The following CHRM3 variants were observed in gnomAD, a reference collection of about 807,000 sequenced individuals.
The protein encoded by CHRM3 is muscarinic acetylcholine receptor M3.
A neutral mutation model predicts 41.8 loss-of-function variants in CHRM3; 11 were observed. The ratio of observed to expected loss-of-function variants is 0.26; its 90% CI spans 0.17 to 0.44. The LOEUF (loss-of-function observed/expected upper bound fraction) is 0.44, where lower values mean the gene tolerates loss of function less well. Among genes scored for constraint, CHRM3 ranks in the 20% least tolerant of loss-of-function variants. The probability of loss-of-function intolerance (pLI) is 1.00; values close to 1 mark genes in which losing one functional copy is unlikely to be tolerated. For missense variants in CHRM3, 571 were observed against 745.4 expected (o/e 0.77, Z 2.72); for synonymous variants, 297 against 301.4 (o/e 0.99, Z 0.15).
chr1:239,729,321 A>G (rs1291651414), intron 5 of CHRM3, among the ~76,000 whole-genome samples: 1 of 151,818 alleles, frequency 6.6e-6, no homozygotes, highest in East Asian at 1.9e-4. Context: ...ACTGAAGCAT[A>G]ATGGTTGTGA....
chr1:239,687,404 G>A (rs977023705), intron 5 of CHRM3, among the ~76,000 whole-genome samples: 1 of 152,086 alleles, frequency 6.6e-6, no homozygotes, highest in African/African-American at 2.4e-5. Flanking sequence ...ATTTATCAGA[G>A]CATCATGGTC....
At chr1:239,635,807 T>C (rs1014915009) in intron 4 of CHRM3, among the ~76,000 whole-genome samples, 2 of 152,218 alleles carry the variant, frequency 1.3e-5, no homozygotes, top group African/African-American at 4.8e-5. Context: ...CTTATAATGA[T>C]GCCTGCCCCC....
intron 6 of CHRM3, among the ~76,000 whole-genome samples, chr1:239,832,677 A>C (rs1304713435): frequency 6.6e-6 from 1 of 152,070 alleles, no homozygotes; most frequent in Non-Finnish European, 1.5e-5. Context: ...AGTAAGAGGA[A>C]GAACACGTTC....
At chr1:239,486,385 C>T (rs1424352958) in intron 1 of CHRM3, among the ~76,000 whole-genome samples, 4 of 152,108 alleles carry the variant, frequency 2.6e-5, no homozygotes, top group Admixed American at 6.6e-5. Flanking sequence ...CGCCACAAAC[C>T]CCATCCAGTG....
chr1:239,715,650 G>A (rs1662275659), intron 5 of CHRM3, among the ~76,000 whole-genome samples: 1 of 152,114 alleles, frequency 6.6e-6, no homozygotes, highest in Non-Finnish European at 1.5e-5. Flanking sequence ...GATAAAGAGG[G>A]AGGAAGGTAG....
intron 3 of CHRM3, among the ~76,000 whole-genome samples, chr1:239,583,133 T>C (rs1663059981): frequency 6.6e-6 from 1 of 152,210 alleles, no homozygotes; most frequent in Non-Finnish European, 1.5e-5. Context: ...TAGTTTAGTA[T>C]CTGTTTTCCT....
chr1:239,805,930 T>C (rs1670604145), intron 5 of CHRM3, among the ~76,000 whole-genome samples: 1 of 152,178 alleles, frequency 6.6e-6, no homozygotes, highest in Non-Finnish European at 1.5e-5. Flanking sequence ...CCTGGCATCT[T>C]GATAGTTGCA....
chr1:239,864,663 C>T (rs1675939550), intron 6 of CHRM3, among the ~76,000 whole-genome samples: 2 of 152,058 alleles, frequency 1.3e-5, no homozygotes, highest in South Asian at 2.1e-4. Flanking sequence ...TTCATTAAAT[C>T]GGGAATAAGA....
intron 1 of CHRM3, among the ~76,000 whole-genome samples, chr1:239,469,494 GTAGT>G (rs372966108): frequency 4.7e-4 from 72 of 152,258 alleles, no homozygotes; most frequent in African/African-American, 1.6e-3. Flanking sequence ...CTTCAAGCTG[GTAGT>G]TAGTTGTGAG....
chr1:239,440,643 T>C (rs112004278), intron 1 of CHRM3, among the ~76,000 whole-genome samples: 3,294 of 152,208 alleles, frequency 0.022, 136 homozygotes, highest in African/African-American at 0.072. Flanking sequence ...GACTATAAAG[T>C]ATATTTATCA....
chr1:239,861,943 C>A (rs755371740), intron 6 of CHRM3, among the ~76,000 whole-genome samples: 6 of 152,088 alleles, frequency 3.9e-5, no homozygotes, highest in Non-Finnish European at 5.9e-5. Flanking sequence ...TTTCCCAAAG[C>A]AACCTGTCTT....
At chr1:239,437,062 T>A (rs1663328522) in intron 1 of CHRM3, among the ~76,000 whole-genome samples, 2 of 152,120 alleles carry the variant, frequency 1.3e-5, no homozygotes, top group South Asian at 4.2e-4. Flanking sequence ...TATAATCTAG[T>A]GGGTAATGAA....
chr1:239,800,112 T>A (rs1424309726), intron 5 of CHRM3, among the ~76,000 whole-genome samples: 3 of 152,156 alleles, frequency 2.0e-5, no homozygotes, highest in African/African-American at 7.2e-5. Context: ...TGTTAATAGG[T>A]CTGGAAATAG....
At chr1:239,786,344 T>C (rs1011591101) in intron 5 of CHRM3, among the ~76,000 whole-genome samples, 8 of 152,202 alleles carry the variant, frequency 5.3e-5, no homozygotes, top group Admixed American at 3.9e-4. Context: ...TACAATGTGC[T>C]GTGTGCCAGG....
At chr1:239,414,863 T>C (rs1558205847) in intron 1 of CHRM3, among the ~76,000 whole-genome samples, 1 of 152,200 alleles carries the variant, frequency 6.6e-6, no homozygotes, top group Non-Finnish European at 1.5e-5. Flanking sequence ...TTTACAAAAA[T>C]TTTTGTTTGC....
chr1:239,859,432 GTT>G (rs141776323), intron 6 of CHRM3, among the ~76,000 whole-genome samples: 1 of 136,476 alleles, frequency 7.3e-6, no homozygotes. Flanking sequence ...TTTTTTTTTT[GTT>G]TTTTTTTTTG....
At chr1:239,800,861 A>G (rs1381150354) in intron 5 of CHRM3, among the ~76,000 whole-genome samples, 2 of 151,986 alleles carry the variant, frequency 1.3e-5, no homozygotes, top group Non-Finnish European at 2.9e-5. Flanking sequence ...TGTGAGAAAA[A>G]TATAAACTAT....
At chr1:239,868,521 A>G (rs1189639207) in intron 6 of CHRM3, among the ~76,000 whole-genome samples, 1 of 152,170 alleles carries the variant, frequency 6.6e-6, no homozygotes, top group Non-Finnish European at 1.5e-5. Context: ...AGCCCCAGGC[A>G]AAGACCACTA....
intron 2 of CHRM3, among the ~76,000 whole-genome samples, chr1:239,527,977 C>T (rs1053143882): frequency 2.0e-5 from 3 of 151,866 alleles, no homozygotes; most frequent in Non-Finnish European, 4.4e-5. Context: ...TTTTATTTTT[C>T]CATGTTTTGC....
Sources: allele counts gnomAD v4.1 joint callset (sites outside exome capture counted in the v4.1 genomes callset), GRCh38; gene constraint gnomAD v4.1.1; transcripts MANE v1.5; gene names NCBI Gene and HGNC (gene_info 2026-07-23, HGNC 2026-07-21).